The following CPNE2 variants were observed in gnomAD, a reference collection of about 807,000 sequenced individuals.
The protein encoded by CPNE2 is copine 2.
Under a neutral mutation model 69.7 loss-of-function variants are expected in CPNE2, and 42 were observed. That is an observed-to-expected ratio of 0.60 (90% CI 0.47 to 0.78). CPNE2 has a LOEUF of 0.78. CPNE2 is among the 30% of genes least tolerant of loss of function. The probability of loss-of-function intolerance (pLI) is 0.00; values close to 1 mark genes in which losing one functional copy is unlikely to be tolerated. For synonymous variants in CPNE2, 294 were observed against 289.8 expected, an observed-to-expected ratio of 1.01 and a Z score of -0.15; for missense variants, 587 against 732.0, an observed-to-expected ratio of 0.80 and a Z score of 2.29.
chr16:57,136,047 G>A (rs1412586245), intron 13 of CPNE2, among the ~76,000 whole-genome samples: 1 of 150,820 alleles, frequency 6.6e-6, no homozygotes, highest in Non-Finnish European at 1.5e-5. Context: ...AGGAAGAAAG[G>A]AAGAAAGAAA....
intron 3 of CPNE2, among the ~76,000 whole-genome samples, chr16:57,113,888 G>A (rs190700317): frequency 3.2e-4 from 48 of 152,336 alleles, no homozygotes; most frequent in Non-Finnish European, 7.1e-4. Flanking sequence ...TGGAGGCCGG[G>A]AGCAAGCGGG....
chr16:57,114,788 A>C (rs1370606194), intron 3 of CPNE2, among the ~76,000 whole-genome samples: 1 of 139,026 alleles, frequency 7.2e-6, no homozygotes, highest in Non-Finnish European at 1.6e-5. Flanking sequence ...TGTATTACCT[A>C]TTGAAACCAA....
intron 14 of CPNE2, chr16:57,145,038 GC>G (rs1356016250): frequency 1.3e-5 from 2 of 151,908 alleles, no homozygotes; most frequent in African/African-American, 4.8e-5. Context: ...GCACACCCCG[GC>G]CCCACTTCAC....
intron 1 of CPNE2, among the ~76,000 whole-genome samples, chr16:57,105,430 GT>G (rs113892684): frequency 0.049 from 7,016 of 142,010 alleles, 452 homozygotes; most frequent in African/African-American, 0.16. Flanking sequence ...TATGTGTCCG[GT>G]TTTTTTTTTT....
At chr16:57,095,532 G>A (rs1238934378) in intron 1 of CPNE2, among the ~76,000 whole-genome samples, 2 of 152,142 alleles carry the variant, frequency 1.3e-5, no homozygotes, top group African/African-American at 4.8e-5. Context: ...GAGTGCACTG[G>A]TGTGATCTCA....
At chr16:57,112,680 T>G (rs1011900507) in intron 2 of CPNE2, among the ~76,000 whole-genome samples, 5 of 152,140 alleles carry the variant, frequency 3.3e-5, no homozygotes, top group Admixed American at 2.6e-4. Flanking sequence ...TCAGCCAGGC[T>G]TTGGTATCCA....
chr16:57,123,568 G>A (rs2069779011), intron 10 of CPNE2, 95 bp downstream of exon 10: 3 of 1,353,532 alleles, frequency 2.2e-6, no homozygotes, highest in Non-Finnish European at 3.1e-6. Context: ...GGGACTTAGG[G>A]TAGACTTCAG....
intron 14 of CPNE2, among the ~76,000 whole-genome samples, chr16:57,140,251 A>G (rs1245642225): frequency 6.6e-6 from 1 of 151,744 alleles, no homozygotes; most frequent in Non-Finnish European, 1.5e-5. Flanking sequence ...GCTCACTGCA[A>G]CCTCCGCCTC....
intron 3 of CPNE2, among the ~76,000 whole-genome samples, chr16:57,114,781 A>G (rs1301627365): frequency 1.4e-5 from 2 of 147,024 alleles, no homozygotes; most frequent in Non-Finnish European, 3.0e-5. Flanking sequence ...GTGTAAGTGT[A>G]TTACCTATTG....
rs2069676446 is a variant in CPNE2, at chr16:57,110,795, G to A, written c.53G>A (p.Gly18Asp). The change falls in exon 2 of 16, where the codon GGC becomes GAC. Residue 18 changes from glycine to aspartate, a missense_variant. Around this residue, in one of 5 missense-constraint regions of CPNE2, gnomAD observed 96 missense variants for 94.9 expected, o/e 1.01. Transcript: ENST00000290776. ...CCAGCAGCGGGGGCAGCCCCCATGG[G>A]CCCCCAGTATTGCGTGTGCAAGGTG... ...GAPAAGAAPM[G>D]PQYCVCKVEL... The A allele has an allele frequency of 6.2e-7, 1 of 1,613,584 alleles. No homozygotes were observed. Among genetic ancestry groups the A allele is most frequent in the South Asian group, 1.1e-5 (1 of 91,028 alleles).
At chr16:57,129,671 T>C (rs2069824286) in intron 12 of CPNE2, among the ~76,000 whole-genome samples, 1 of 152,126 alleles carries the variant, frequency 6.6e-6, no homozygotes. Flanking sequence ...ATACAAAAAT[T>C]AGCCCAGCGT....
In CPNE2 at chr16:57,110,811, G is replaced by T; in HGVS notation, c.69G>T (p.Val23=). 1 of 1,613,990 alleles carries T rather than the reference G, an allele frequency of 6.2e-7. No homozygotes were observed. Among genetic ancestry groups the T allele is most frequent in the Non-Finnish European group, 8.5e-7 (1 of 1,179,906 alleles). Residue 23 remains valine, a synonymous_variant, in exon 2 of 16, where the codon GTG becomes GTT. Transcript: ENST00000290776. The part of the protein sequence containing the change: ...GAAPMGPQYC[V]CKVELSVSGQ... Reference sequence around the variant, plus strand: ...CCCCCATGGGCCCCCAGTATTGCGTGTGCAAGGTGGAGCTGTCAGTGAGTG... The same window carrying T: ...CCCCCATGGGCCCCCAGTATTGCGTTTGCAAGGTGGAGCTGTCAGTGAGTG...
At chr16:57,117,227 G>T (rs1311756284) in intron 4 of CPNE2, among the ~76,000 whole-genome samples, 1 of 152,136 alleles carries the variant, frequency 6.6e-6, no homozygotes, top group Non-Finnish European at 1.5e-5. Context: ...TCTGGTCCTT[G>T]CTTCATCTCT....
intron 10 of CPNE2, chr16:57,125,574 A>C: frequency 2.2e-6 from 1 of 462,768 alleles, no homozygotes; most frequent in South Asian, 2.0e-5. Flanking sequence ...GAATGTGTGG[A>C]TAGGGATAGT....
intron 4 of CPNE2, 42 bp from the exon 5 acceptor site, chr16:57,117,454 G>T: frequency 2.5e-6 from 4 of 1,597,672 alleles, no homozygotes; most frequent in African/African-American, 1.3e-5. Flanking sequence ...CTGGCAGGAG[G>T]CTGGGGGAGT....
In CPNE2 at chr16:57,146,307, C is replaced by T. The variant is rs929132803; in HGVS notation, c.1525C>T (p.Arg509Ter). Reference protein sequence around the residue: ...ARDIVQFVPFREFRNAAKETL... With the variant: ...ARDIVQFVPF ...CGATATTGTGCAGTTCGTTCCCTTT[C>T]GAGAGTTCCGCAACGTGAGTGTGGG... Residue 509 changes from arginine (R) to a stop codon, truncating the protein, a stop_gained, in exon 15 of 16, where the codon CGA (arginine) becomes TGA (stop). Transcript: ENST00000290776. LOFTEE classifies it high-confidence loss of function. The surrounding 1 kb of genome is among the most constrained non-coding windows in gnomAD (Gnocchi z 4.4). The T allele has an allele frequency of 3.9e-6, 6 of 1,551,572 alleles. No individual in the cohort carries two copies. Among genetic ancestry groups the T allele is most frequent in the African/African-American group, 1.4e-5 (1 of 73,268 alleles).
At chr16:57,115,598 C>G (rs2069713413) in intron 4 of CPNE2, 48 bp downstream of exon 4, 1 of 1,357,756 alleles carries the variant, frequency 7.4e-7, no homozygotes, top group Non-Finnish European at 1.0e-6. Flanking sequence ...CCCCACCCCA[C>G]ACCCTCCCCC....
chr16:57,123,247 A>C, intron 9 of CPNE2, 167 bp from the exon 10 acceptor site: 1 of 687,436 alleles, frequency 1.5e-6, no homozygotes, highest in Non-Finnish European at 2.6e-6. Context: ...CATTGCACTG[A>C]AGGCTTTGTT....
intron 11 of CPNE2, among the ~76,000 whole-genome samples, chr16:57,127,475 C>T (rs1272313731): frequency 6.6e-6 from 1 of 152,190 alleles, no homozygotes; most frequent in African/African-American, 2.4e-5. Flanking sequence ...GAGTTTTCCC[C>T]AGCTATGAGC....
Sources: allele counts gnomAD v4.1 joint callset (sites outside exome capture counted in the v4.1 genomes callset), GRCh38; gene constraint gnomAD v4.1.1; regional missense constraint gnomAD v4.1.1; non-coding constraint Gnocchi (gnomAD v3.1); transcripts MANE v1.5; gene names NCBI Gene and HGNC (gene_info 2026-07-23, HGNC 2026-07-21).